The following ANXA10 variants were observed in gnomAD, a reference collection of about 807,000 sequenced individuals.
The protein encoded by ANXA10 is annexin 14.
ANXA10 carries 49 observed loss-of-function variants against 53.5 expected under a neutral mutation model. That is an observed-to-expected ratio of 0.92 (90% CI 0.73 to 1.16). ANXA10 has a LOEUF of 1.16. Ranked by LOEUF, ANXA10 falls within the 50% of genes most tolerant of loss-of-function variation. ANXA10 has a pLI of 0.00. For synonymous variants in ANXA10, 131 were observed against 128.9 expected (o/e 1.02, Z -0.11); for missense variants, 393 against 394.4 (o/e 1.00, Z 0.03).
intron 3 of ANXA10, among the ~76,000 whole-genome samples, chr4:168,143,776 G>A (rs1216763151): frequency 6.6e-6 from 1 of 152,174 alleles, no homozygotes; most frequent in East Asian, 1.9e-4. Flanking sequence ...CACATGGTTG[G>A]TTAAGCAATT....
intron 2 of ANXA10, among the ~76,000 whole-genome samples, chr4:168,136,972 G>A (rs1731248347): frequency 6.6e-6 from 1 of 152,200 alleles, no homozygotes. Flanking sequence ...TGCACTCACA[G>A]ACTTAACACC....
At chr4:168,181,490 C>T (rs1253850055) in intron 9 of ANXA10, among the ~76,000 whole-genome samples, 193 bp from the exon 10 acceptor site, 1 of 151,694 alleles carries the variant, frequency 6.6e-6, no homozygotes, top group Admixed American at 6.6e-5. Context: ...AAGTGAAAAT[C>T]TGCATGACTC....
Position 168,139,596 on chromosome 4 carries a change from C to G in ANXA10, c.195+16C>G. ...GTATGGCCGGGTAAGGCCACTTTATCTTGACCTATTTCTAGGGCAATCTCT... is the reference window on the plus strand; with the variant it reads ...GTATGGCCGGGTAAGGCCACTTTATGTTGACCTATTTCTAGGGCAATCTCT... On this transcript the variant is annotated intron_variant, in intron 3 of 11. Transcript: ENST00000359299. The G allele has an allele frequency of 6.3e-7, 1 of 1,595,162 alleles. No homozygotes were observed. Among genetic ancestry groups the G allele is most frequent in the Non-Finnish European group, 8.6e-7 (1 of 1,164,704 alleles).
chr4:168,159,980 G>C (rs1157711515), intron 3 of ANXA10, among the ~76,000 whole-genome samples: 1 of 152,132 alleles, frequency 6.6e-6, no homozygotes, highest in Non-Finnish European at 1.5e-5. Context: ...AGTTTAGTGA[G>C]AGACCATTTT....
chr4:168,173,196 G>A (rs1052785171), intron 6 of ANXA10, among the ~76,000 whole-genome samples: 112 of 152,298 alleles, frequency 7.4e-4, no homozygotes, highest in African/African-American at 2.6e-3. Flanking sequence ...GTGATAGGAT[G>A]TTCCAAGTAA....
chr4:168,095,129 C>T (rs888216120), intron 1 of ANXA10, among the ~76,000 whole-genome samples: 1 of 152,010 alleles, frequency 6.6e-6, no homozygotes, highest in African/African-American at 2.4e-5. Flanking sequence ...ACCCAGGTAT[C>T]TCTACATCCC....
chr4:168,136,478 T>TCAGC lies in ANXA10; in HGVS notation c.101-3005_101-3002dup, dbSNP rs1448875603. ...ATACTCTCTTTCCAAAGGGGAAAAA[T>TCAGC]CAGCCAAAACAAAGGGACTAGAGGC... On this transcript the variant is annotated intron_variant, in intron 2 of 11. Coordinates refer to ENST00000359299, the MANE Select transcript of ANXA10 (RefSeq NM_007193.5). Among the ~76,000 whole-genome samples the TCAGC allele has an allele frequency of 2.0e-5, 3 of 152,032 alleles. No homozygotes were observed. In the East Asian group the frequency reaches 5.8e-4, roughly 29 times the overall value.
intron 1 of ANXA10, among the ~76,000 whole-genome samples, chr4:168,123,267 A>G (rs910735104): frequency 6.5e-5 from 8 of 122,786 alleles, no homozygotes; most frequent in Non-Finnish European, 1.3e-4. Flanking sequence ...GCTGAGTAGC[A>G]GTTAAAATGG....
intron 3 of ANXA10, among the ~76,000 whole-genome samples, chr4:168,161,566 A>G (rs969510349): frequency 1.3e-5 from 2 of 152,056 alleles, no homozygotes; most frequent in Admixed American, 1.3e-4. Flanking sequence ...TTCCATATGA[A>G]TTTTAAAATA....
intron 11 of ANXA10, 119 bp from the exon 12 acceptor site, chr4:168,187,243 GTAAA>G (rs1477251197): frequency 5.1e-5 from 26 of 512,206 alleles, no homozygotes; most frequent in Non-Finnish European, 8.5e-5. Flanking sequence ...GATGAGAAAA[GTAAA>G]TAAGTTTAGA....
intron 6 of ANXA10, among the ~76,000 whole-genome samples, chr4:168,176,418 A>T (rs1342887394): frequency 1.3e-5 from 2 of 152,080 alleles, no homozygotes; most frequent in African/African-American, 4.8e-5. Flanking sequence ...ACTCCCCCAA[A>T]GGTCTAGCTG....
At chr4:168,140,899 C>T (rs867506678) in intron 3 of ANXA10, among the ~76,000 whole-genome samples, 1 of 152,310 alleles carries the variant, frequency 6.6e-6, no homozygotes, top group South Asian at 2.1e-4. Context: ...GGATTACAGG[C>T]GTGAGCCACT....
chr4:168,176,125 G>A (rs1034699150), intron 6 of ANXA10, among the ~76,000 whole-genome samples: 1 of 152,054 alleles, frequency 6.6e-6, no homozygotes, highest in African/African-American at 2.4e-5. Flanking sequence ...GAACTACCTT[G>A]GCAACAGGAA....
At chr4:168,123,009 C>T (rs1731011721) in intron 1 of ANXA10, among the ~76,000 whole-genome samples, 2 of 152,150 alleles carry the variant, frequency 1.3e-5, no homozygotes, top group Admixed American at 6.5e-5. Context: ...TATTTCAAAT[C>T]GAATACACTA....
chr4:168,154,666 T>G (rs1337288136), intron 3 of ANXA10, among the ~76,000 whole-genome samples: 2 of 152,140 alleles, frequency 1.3e-5, no homozygotes, highest in Admixed American at 1.3e-4. Context: ...GCCACAAGAT[T>G]TATTTTAAAA....
chr4:168,140,632 CTTT>C (rs1731309954), intron 3 of ANXA10, among the ~76,000 whole-genome samples: 1 of 120,298 alleles, frequency 8.3e-6, no homozygotes, highest in Non-Finnish European at 1.8e-5. Flanking sequence ...TTTTTTTTTT[CTTT>C]GAGATGGAGT....
chr4:168,136,457 T>C (rs1282431346), intron 2 of ANXA10, among the ~76,000 whole-genome samples: 1 of 152,160 alleles, frequency 6.6e-6, no homozygotes, highest in East Asian at 1.9e-4. Flanking sequence ...GGCTAAATAC[T>C]CTCTTTCCAA....
At chr4:168,145,652 A>G (rs1447618647) in intron 3 of ANXA10, among the ~76,000 whole-genome samples, 1 of 152,208 alleles carries the variant, frequency 6.6e-6, no homozygotes, top group Non-Finnish European at 1.5e-5. Flanking sequence ...ATGCTTAGAA[A>G]AGGTCAGAGT....
rs1730478317 is a variant in ANXA10, at chr4:168,092,677, C to T, written c.-24C>T. ...TGCAATCGATCAAATATTTTCATCC[C>T]TGAGGTTAACAATTACCATCAAAAT... is the stretch of plus-strand genomic sequence containing the variant. On this transcript the variant is annotated 5_prime_UTR_variant, in exon 1 of 12. Coordinates refer to ENST00000359299, the MANE Select transcript of ANXA10 (RefSeq NM_007193.5). 6.3e-7 allele frequency: 1 copy of T among 1,586,948 alleles called. No individual in the cohort carries two copies. The highest frequency in any genetic ancestry group is 1.4e-5 in the African/African-American group (1 of 73,478).
Sources: allele counts gnomAD v4.1 joint callset (sites outside exome capture counted in the v4.1 genomes callset), GRCh38; gene constraint gnomAD v4.1.1; transcripts MANE v1.5; gene names NCBI Gene and HGNC (gene_info 2026-07-23, HGNC 2026-07-21).